The following STK3 variants were observed in gnomAD, a reference collection of about 807,000 sequenced individuals.
STK3 encodes serine/threonine kinase 3.
STK3 carries 41 observed loss-of-function variants against 58.0 expected under a neutral mutation model. The ratio of observed to expected loss-of-function variants is 0.71; its 90% CI spans 0.55 to 0.92. STK3 has a LOEUF of 0.92. Among genes scored for constraint, STK3 ranks in the 40% least tolerant of loss-of-function variants. STK3 has a pLI of 0.00. For missense variants in STK3, 479 were observed against 602.7 expected (o/e 0.79, Z 2.15); for synonymous variants, 170 against 191.0 (o/e 0.89, Z 0.91).
At chr8:98,695,069 T>A (rs1200620719) in intron 6 of STK3, among the ~76,000 whole-genome samples, 1 of 152,234 alleles carries the variant, frequency 6.6e-6, no homozygotes, top group African/African-American at 2.4e-5. Flanking sequence ...GGTGTCTCAT[T>A]GTGGTTTTGG....
At chr8:98,540,371 C>T (rs1005780543) in intron 9 of STK3, among the ~76,000 whole-genome samples, 1 of 152,184 alleles carries the variant, frequency 6.6e-6, no homozygotes, top group Non-Finnish European at 1.5e-5. Context: ...GCGACTGTTA[C>T]AATACATACT....
intron 3 of STK3, among the ~76,000 whole-genome samples, chr8:98,417,870 G>T (rs540465592): frequency 6.6e-6 from 1 of 152,100 alleles, no homozygotes; most frequent in Non-Finnish European, 1.5e-5. Context: ...CTTCCAGAAC[G>T]CCTCGCTGTT....
At chr8:98,504,212 C>A (rs545763376) in intron 10 of STK3, among the ~76,000 whole-genome samples, 1 of 151,926 alleles carries the variant, frequency 6.6e-6, no homozygotes, top group Non-Finnish European at 1.5e-5. Context: ...GGATTGCAAC[C>A]CCTGCTTTTT....
At chr8:98,347,913 A>T in the STK3 span, among the ~76,000 whole-genome samples, 1 of 152,230 alleles carries the variant, frequency 6.6e-6, no homozygotes, top group African/African-American at 2.4e-5. Context: ...ATCAACAGAG[A>T]TTCTAAAGTT....
intron 7 of STK3, among the ~76,000 whole-genome samples, chr8:98,594,208 G>A (rs1389840201): frequency 1.3e-5 from 2 of 152,110 alleles, no homozygotes; most frequent in African/African-American, 4.8e-5. Context: ...TCAGGAGGCT[G>A]AGGTGGGAGG....
rs544663317 is a variant in STK3, at chr8:98,631,682, C to A, written c.685-35513G>T. On this transcript the variant is annotated intron_variant, in intron 6 of 10. Coordinates refer to ENST00000419617, the MANE Select transcript of STK3 (RefSeq NM_006281.4). The stretch of plus-strand genomic sequence containing the variant: ...TTCGTTTTTTTGTGTGTTTTTTTCC[C>A]GAGACAGTGTCTCACTCTGTCTCCC... Among the ~76,000 whole-genome samples, 13 of 152,018 alleles carry A rather than the reference C, an allele frequency of 8.6e-5. No homozygotes were observed. In the East Asian group the frequency reaches 2.5e-3, roughly 29 times the overall value.
intron 4 of STK3, chr8:98,722,750 A>C: frequency 4.9e-6 from 1 of 202,712 alleles, no homozygotes; most frequent in Non-Finnish European, 1.1e-5. Context: ...TACCTTTCTC[A>C]TATCTGTAAG....
At chr8:98,447,145 T>A (rs1316339494) in intron 1 of STK3, among the ~76,000 whole-genome samples, 5 of 152,050 alleles carry the variant, frequency 3.3e-5, no homozygotes, top group Admixed American at 2.6e-4. Flanking sequence ...GGTACTAGGC[T>A]TAGTACCTGA....
In STK3 at chr8:98,692,448, T is replaced by C. The variant is rs184939666; in HGVS notation, c.684+14019A>G. On this transcript the variant is annotated intron_variant, in intron 6 of 10. Coordinates refer to ENST00000419617, the MANE Select transcript of STK3 (RefSeq NM_006281.4). ...AAATTATTGAAAACATTAGGCTACA[T>C]AAAACACACACACACACAAAAGAAC... 9.2e-3 allele frequency among the ~76,000 whole-genome samples: 1,400 copies of C among 152,128 alleles called. 17 individuals are homozygous for C. The highest frequency in any genetic ancestry group is 0.032 in the African/African-American group (1,323 of 41,540).
chr8:98,445,918 G>A (rs1818926127), intron 1 of STK3, among the ~76,000 whole-genome samples: 1 of 152,212 alleles, frequency 6.6e-6, no homozygotes, highest in South Asian at 2.1e-4. Context: ...AGCTCCAACT[G>A]GTGTTAATTT....
intron 3 of STK3, among the ~76,000 whole-genome samples, chr8:98,869,280 A>C (rs369058484): frequency 6.6e-6 from 1 of 151,748 alleles, no homozygotes; most frequent in South Asian, 2.1e-4. Context: ...ATTTAGCTGG[A>C]TGTGATGGCT....
intron 4 of STK3, among the ~76,000 whole-genome samples, chr8:98,738,753 C>T: frequency 6.6e-6 from 1 of 152,344 alleles, no homozygotes; most frequent in East Asian, 1.9e-4. Context: ...ACAGTGGGTG[C>T]AGCGCACCGT....
chr8:98,487,249 AAGG>A (rs1285282889), intron 10 of STK3, among the ~76,000 whole-genome samples: 1 of 152,168 alleles, frequency 6.6e-6, no homozygotes, highest in Non-Finnish European at 1.5e-5. Flanking sequence ...AGTATAAAGG[AAGG>A]AGATTACTTT....
chr8:98,812,462 T>C (rs1328017800), intron 1 of STK3, among the ~76,000 whole-genome samples: 1 of 152,200 alleles, frequency 6.6e-6, no homozygotes, highest in Non-Finnish European at 1.5e-5. Context: ...AGTTCAACCA[T>C]TGTGGAAGAC....
chr8:98,568,974 GA>G (rs1193821420), intron 8 of STK3, among the ~76,000 whole-genome samples: 1 of 152,116 alleles, frequency 6.6e-6, no homozygotes, highest in Non-Finnish European at 1.5e-5. Context: ...GATGAATGGG[GA>G]AAAGATGTAT....
intron 6 of STK3, among the ~76,000 whole-genome samples, chr8:98,667,605 T>C (rs185235821): frequency 3.9e-5 from 6 of 152,166 alleles, no homozygotes; most frequent in African/African-American, 1.2e-4. Flanking sequence ...ATTTTAAAAA[T>C]TGAATGTATA....
intron 3 of STK3, among the ~76,000 whole-genome samples, chr8:98,873,751 G>A (rs1205941227): frequency 1.3e-5 from 2 of 151,940 alleles, no homozygotes; most frequent in African/African-American, 2.4e-5. Flanking sequence ...CATGTGAGAT[G>A]GGTCTCCCAA....
At chr8:98,941,002 A>G (rs973036702) in intron 1 of STK3, among the ~76,000 whole-genome samples, 14 of 152,178 alleles carry the variant, frequency 9.2e-5, no homozygotes, top group African/African-American at 3.1e-4. Flanking sequence ...GCTCGGGCCC[A>G]GGTACAGGGA....
At position 98,742,431 on chromosome 8, in the gene STK3, G is replaced by A. The variant is rs187846060; in HGVS notation, c.351+6845C>T. On this transcript the variant is annotated intron_variant, in intron 4 of 10. Transcript: ENST00000419617. ...GGGATGCAAGGCTGGTTCAACATAC[G>A]CAAATCAATAAACGTAATCCATCAC... is the stretch of plus-strand genomic sequence containing the variant. Among the ~76,000 whole-genome samples, 98 of 122,786 alleles carry A rather than the reference G, an allele frequency of 8.0e-4. 28 individuals are homozygous for A. In the South Asian group the frequency reaches 0.017, roughly 21 times the overall value. The allele number at this position is 122,786 out of a possible 152,430, so 80.6% of individuals were successfully genotyped here.
Sources: allele counts gnomAD v4.1 joint callset (sites outside exome capture counted in the v4.1 genomes callset), GRCh38; gene constraint gnomAD v4.1.1; transcripts MANE v1.5; gene names NCBI Gene and HGNC (gene_info 2026-07-23, HGNC 2026-07-21).